The following DMD variants were observed in gnomAD, a reference collection of about 807,000 sequenced individuals.
DMD encodes mutant dystrophin.
A neutral mutation model predicts 330.1 loss-of-function variants in DMD; 63 were observed. That is an observed-to-expected ratio of 0.19 (90% CI 0.16 to 0.24). The LOEUF is 0.24. DMD is among the 10% of genes least tolerant of loss of function. The pLI is 1.00. For synonymous variants in DMD, 1,223 were observed against 959.8 expected (o/e 1.27, Z -5.07); for missense variants, 3,344 against 2,684.1 (o/e 1.25, Z -5.43).
At chrX:32,300,758 C>T (rs992061761) in intron 42 of DMD, among the ~76,000 whole-genome samples, 4 of 110,766 alleles carry the variant, frequency 3.6e-5, no homozygotes, top group African/African-American at 3.3e-5. Context: ...AGTCAGGATA[C>T]GCTTTAGTGT....
intron 77 of DMD, among the ~76,000 whole-genome samples, 197 bp from the exon 78 acceptor site, chrX:31,126,870 C>G (rs1277275082): frequency 9.6e-6 from 1 of 103,826 alleles, no homozygotes; most frequent in African/African-American, 3.5e-5. Flanking sequence ...ATAACCTTTA[C>G]ATACACTTAA....
intron 12 of DMD, among the ~76,000 whole-genome samples, chrX:32,596,824 A>G (rs808538): frequency 0.51 from 56,309 of 110,116 alleles, 11,704 homozygotes; most frequent in African/African-American, 0.8. Context: ...TGAGATTACA[A>G]ACGTGAGCCA....
chrX:31,449,813 T>TAGATAGATAGAA (rs1266543609), intron 59 of DMD, among the ~76,000 whole-genome samples: 12 of 96,798 alleles, frequency 1.2e-4, no homozygotes, highest in African/African-American at 4.4e-4. Context: ...GATAGATAGA[T>TAGATAGATAGAA]AGAAATCTGG....
At chrX:32,063,852 G>T (rs1156857320) in intron 44 of DMD, among the ~76,000 whole-genome samples, 1 of 111,116 alleles carries the variant, frequency 9.0e-6, no homozygotes, top group Non-Finnish European at 1.9e-5. Context: ...CAGAAAGTTT[G>T]CAAAATTTCA....
At chrX:31,122,548 T>A (rs752398546) in intron 78 of DMD, among the ~76,000 whole-genome samples, 3 of 111,396 alleles carry the variant, frequency 2.7e-5, no homozygotes, top group Non-Finnish European at 5.7e-5. Context: ...CTGCTTTTAC[T>A]TGGGTTGAAA....
At chrX:33,034,726 T>C (rs1231378412) in intron 1 of DMD, among the ~76,000 whole-genome samples, 4 of 112,470 alleles carry the variant, frequency 3.6e-5, no homozygotes, top group Non-Finnish European at 7.5e-5. Context: ...TGGAGTATGC[T>C]CTGGAATCAT....
At chrX:33,050,960 T>C (rs893296231) in intron 1 of DMD, among the ~76,000 whole-genome samples, 1 of 111,279 alleles carries the variant, frequency 9.0e-6, no homozygotes, top group Non-Finnish European at 1.9e-5. Context: ...TAGGCCGTTC[T>C]CAGACCCATT....
chrX:31,826,975 A>G (rs1329737235), intron 49 of DMD, among the ~76,000 whole-genome samples: 1 of 112,188 alleles, frequency 8.9e-6, no homozygotes, highest in African/African-American at 3.2e-5. Context: ...GCTGAGCATT[A>G]TTCTCCATTG....
At chrX:31,638,844 C>T (rs964962995) in intron 54 of DMD, among the ~76,000 whole-genome samples, 2 of 111,883 alleles carry the variant, frequency 1.8e-5, no homozygotes, top group Non-Finnish European at 3.8e-5. Flanking sequence ...ATAATTTTTA[C>T]ATAAAATTCA....
chrX:32,224,863 C>T (rs1418934976), intron 43 of DMD, among the ~76,000 whole-genome samples: 2 of 111,532 alleles, frequency 1.8e-5, no homozygotes, highest in African/African-American at 6.5e-5. Flanking sequence ...TGCCTTTATC[C>T]CCTCTCTTCG....
At chrX:32,439,270 T>C (rs193040165) in intron 28 of DMD, among the ~76,000 whole-genome samples, 2 of 111,648 alleles carry the variant, frequency 1.8e-5, no homozygotes, top group African/African-American at 6.5e-5. Flanking sequence ...TTTATGTATT[T>C]TTCTTGAATT....
chrX:32,576,418 G>A (rs139777597), intron 13 of DMD, among the ~76,000 whole-genome samples: 2,101 of 109,267 alleles, frequency 0.019, 24 homozygotes, highest in Non-Finnish European at 0.03. Flanking sequence ...TGCACTTTGG[G>A]GCCATGACTA....
intron 51 of DMD, among the ~76,000 whole-genome samples, chrX:31,756,372 A>G (rs1406678305): frequency 8.9e-6 from 1 of 112,583 alleles, no homozygotes; most frequent in East Asian, 2.8e-4. Context: ...TTTATTTGCC[A>G]AACATGTCCT....
chrX:32,482,895 T>G (rs1157274978), intron 21 of DMD, among the ~76,000 whole-genome samples: 5 of 108,747 alleles, frequency 4.6e-5, no homozygotes, highest in Non-Finnish European at 9.6e-5. Flanking sequence ...AAAAGCCAGG[T>G]TTTTGTGTGA....
At chrX:32,034,484 T>C (rs2095923402) in intron 44 of DMD, among the ~76,000 whole-genome samples, 1 of 111,943 alleles carries the variant, frequency 8.9e-6, no homozygotes, top group South Asian at 3.7e-4. Flanking sequence ...AAAACTATGA[T>C]ATTTTAGCTA....
chrX:31,444,027 G>T (rs1428939957), intron 60 of DMD, among the ~76,000 whole-genome samples: 1 of 110,584 alleles, frequency 9.0e-6, no homozygotes, highest in Non-Finnish European at 1.9e-5. Context: ...TAGTGAGCGA[G>T]GTTTTGCTCT....
chrX:33,000,058 A>C (rs1370003189), intron 2 of DMD, among the ~76,000 whole-genome samples: 1 of 112,390 alleles, frequency 8.9e-6, no homozygotes, highest in Non-Finnish European at 1.9e-5. Flanking sequence ...TCATGTAACG[A>C]ATTCCATATC....
intron 9 of DMD, among the ~76,000 whole-genome samples, chrX:32,681,867 G>A (rs2062449495): frequency 9.3e-6 from 1 of 107,470 alleles, no homozygotes; most frequent in Non-Finnish European, 1.9e-5. Flanking sequence ...AGGGTAGTCA[G>A]AAAAGATCTC....
chrX:32,059,366 A>C lies in DMD; in HGVS notation c.6439-90852T>G, dbSNP rs745823400. 3.2e-3 allele frequency among the ~76,000 whole-genome samples: 355 copies of C among 111,608 alleles called. 1 individual carries two copies. The highest frequency in any genetic ancestry group is 9.3e-3 in the Middle Eastern group (2 of 215). ...AAATGGTATACCTGACAACATAGAAAGCCATCAGACAGCTAACATGGTATT... is the reference window on the plus strand; with the variant it reads ...AAATGGTATACCTGACAACATAGAACGCCATCAGACAGCTAACATGGTATT... On this transcript the variant is annotated intron_variant, in intron 44 of 78. Transcript: ENST00000357033.
Sources: allele counts gnomAD v4.1 joint callset (sites outside exome capture counted in the v4.1 genomes callset), GRCh38; gene constraint gnomAD v4.1.1; transcripts MANE v1.5; gene names NCBI Gene and HGNC (gene_info 2026-07-23, HGNC 2026-07-21).